The following GABBR2 variants were observed in gnomAD, a reference collection of about 807,000 sequenced individuals.
GABBR2 encodes the protein gamma-aminobutyric acid type B receptor subunit 2.
In GABBR2, 23 loss-of-function variants were observed where a neutral mutation model predicts 105.6. That is an observed-to-expected ratio of 0.22 (90% CI 0.16 to 0.31). The LOEUF (loss-of-function observed/expected upper bound fraction) is 0.31. Among genes scored for constraint, GABBR2 ranks in the 10% least tolerant of loss-of-function variants. GABBR2 has a pLI of 1.00. For missense variants in GABBR2, 734 were observed against 1,245.5 expected, an observed-to-expected ratio of 0.59 and a Z score of 6.18; for synonymous variants, 478 against 499.7, an observed-to-expected ratio of 0.96 and a Z score of 0.58.
chr9:98,486,984 C>T (rs539772923), intron 4 of GABBR2, among the ~76,000 whole-genome samples: 3 of 152,192 alleles, frequency 2.0e-5, no homozygotes, highest in East Asian at 1.9e-4. Context: ...TCACTCTGTC[C>T]GTAAAGGCAG....
intron 17 of GABBR2, among the ~76,000 whole-genome samples, chr9:98,294,508 T>C (rs1830350533): frequency 6.6e-6 from 1 of 152,124 alleles, no homozygotes; most frequent in Admixed American, 6.5e-5. Flanking sequence ...TTTTTTTTTT[T>C]TTTCTGTCAC....
intron 2 of GABBR2, among the ~76,000 whole-genome samples, chr9:98,552,601 G>A (rs529077305): frequency 6.6e-6 from 1 of 152,342 alleles, no homozygotes; most frequent in African/African-American, 2.4e-5. Context: ...TGAGATTAAT[G>A]TGATGCGGGG....
intron 2 of GABBR2, among the ~76,000 whole-genome samples, chr9:98,559,267 C>T (rs111447025): frequency 0.04 from 6,084 of 152,184 alleles, 231 homozygotes; most frequent in African/African-American, 0.093. Context: ...GTAACTTGGA[C>T]TACAGGCATG....
At chr9:98,451,978 C>T (rs764143545) in intron 7 of GABBR2, among the ~76,000 whole-genome samples, 13 of 152,236 alleles carry the variant, frequency 8.5e-5, no homozygotes, top group Non-Finnish European at 1.5e-4. Flanking sequence ...TCACAGAAAT[C>T]CCTCTGGGCT....
At chr9:98,344,826 G>A (rs1831277011) in intron 13 of GABBR2, among the ~76,000 whole-genome samples, 1 of 152,092 alleles carries the variant, frequency 6.6e-6, no homozygotes, top group Non-Finnish European at 1.5e-5. Flanking sequence ...TCCTCAATGT[G>A]CTAACTAGCT....
chr9:98,681,936 A>G (rs777181032), intron 1 of GABBR2, among the ~76,000 whole-genome samples: 37 of 152,194 alleles, frequency 2.4e-4, no homozygotes, highest in Admixed American at 5.2e-4. Flanking sequence ...AAACCCCTAC[A>G]TTGGGCCAGA....
chr9:98,339,462 C>A (rs1219546710), intron 13 of GABBR2, among the ~76,000 whole-genome samples: 3 of 152,088 alleles, frequency 2.0e-5, no homozygotes, highest in Admixed American at 6.5e-5. Flanking sequence ...TTCACCAAAC[C>A]ACTTGCTCAT....
intron 17 of GABBR2, among the ~76,000 whole-genome samples, chr9:98,298,863 A>C (rs1398681948): frequency 1.3e-5 from 2 of 152,214 alleles, no homozygotes; most frequent in Non-Finnish European, 2.9e-5. Flanking sequence ...GGTGTGTTTG[A>C]AACTGTGAAA....
At position 98,639,111 on chromosome 9, in the gene GABBR2, T is replaced by G. The variant is rs866895432; in HGVS notation, c.322-61039A>C. ...CAGGAACACCTCCAGTGCTGGTTTC[T>G]CCATACCCCTCACCCTGGCCCTCCT... On this transcript the variant is annotated intron_variant, in intron 1 of 18. Transcript: ENST00000259455. Among the ~76,000 whole-genome samples, 7 of 152,202 alleles carry G rather than the reference T, an allele frequency of 4.6e-5. No homozygotes were observed. In the South Asian group the frequency reaches 6.2e-4, roughly 14 times the overall value.
At chr9:98,465,121 TAAAAAA>T (rs57747633) in intron 6 of GABBR2, among the ~76,000 whole-genome samples, 11 of 22,002 alleles carry the variant, frequency 5.0e-4, no homozygotes, top group East Asian at 2.8e-3. Context: ...CAATAAATAC[TAAAAAA>T]AAAAAAAAAA....
intron 2 of GABBR2, among the ~76,000 whole-genome samples, chr9:98,547,403 G>A (rs939472773): frequency 9.5e-5 from 11 of 115,846 alleles, no homozygotes; most frequent in African/African-American, 2.7e-4. Flanking sequence ...TATAGCATAT[G>A]TAGTATGTTT....
chr9:98,429,468 C>T (rs983055217), intron 7 of GABBR2, among the ~76,000 whole-genome samples: 1 of 152,108 alleles, frequency 6.6e-6, no homozygotes, highest in Admixed American at 6.6e-5. Flanking sequence ...TTTGTCATCA[C>T]ATTTTATGGT....
At position 98,708,681 on chromosome 9, in the gene GABBR2, C is replaced by CGGCGGT. The variant is rs1830936845; in HGVS notation, c.51_56dup (p.Pro19_Pro20dup). On this transcript the variant is annotated inframe_insertion, in exon 1 of 19. Coordinates refer to ENST00000259455, the MANE Select transcript of GABBR2 (RefSeq NM_005458.8). Reference sequence around the variant, plus strand: ...GCAGTAGCAGTAGCAGGCGCGCGGGCGGCGGTGGCGGCGGCGGCGGCGGCC... The same window carrying CGGCGGT: ...GCAGTAGCAGTAGCAGGCGCGCGGGCGGCGGTGGCGGTGGCGGCGGCGGCGGCGGCC... 20 of 1,079,928 alleles carry CGGCGGT rather than the reference C, an allele frequency of 1.9e-5. No individual in the cohort carries two copies. Among genetic ancestry groups the CGGCGGT allele is most frequent in the Non-Finnish European group, 2.1e-5 (19 of 892,396 alleles). 66.9% of individuals were successfully genotyped at this position (1,079,928 alleles called of 1,614,324 possible). A position where few individuals can be genotyped will look rare whatever the true frequency, so the allele number is the denominator to read the frequency against.
chr9:98,350,617 G>A (rs1433382891), intron 13 of GABBR2, among the ~76,000 whole-genome samples: 6 of 86,106 alleles, frequency 7.0e-5, no homozygotes, highest in Admixed American at 1.5e-4. Flanking sequence ...ATATGATTTC[G>A]ATGTAAAAAA....
intron 8 of GABBR2, among the ~76,000 whole-genome samples, chr9:98,395,734 G>A (rs537711760): frequency 1.3e-5 from 2 of 152,240 alleles, no homozygotes; most frequent in African/African-American, 4.8e-5. Context: ...TGGCATCTGG[G>A]AGGATACCAG....
intron 12 of GABBR2, among the ~76,000 whole-genome samples, chr9:98,364,538 T>C (rs904699476): frequency 6.6e-6 from 1 of 152,056 alleles, no homozygotes; most frequent in African/African-American, 2.4e-5. Context: ...ATTTTCCTCT[T>C]GTAAATGTCA....
chr9:98,418,813 G>GC (rs574400621), intron 7 of GABBR2, among the ~76,000 whole-genome samples: 1 of 152,316 alleles, frequency 6.6e-6, no homozygotes, highest in African/African-American at 2.4e-5. Flanking sequence ...GGGTGGCTGA[G>GC]CCAAGGGAGC....
chr9:98,600,934 C>T (rs1829321878), intron 1 of GABBR2, among the ~76,000 whole-genome samples: 2 of 152,176 alleles, frequency 1.3e-5, no homozygotes, highest in Non-Finnish European at 2.9e-5. Context: ...TTATCATGTC[C>T]CTCACTGATC....
chr9:98,415,571 G>A (rs1003599343), intron 7 of GABBR2, among the ~76,000 whole-genome samples: 2 of 152,156 alleles, frequency 1.3e-5, no homozygotes, highest in Admixed American at 6.5e-5. Context: ...GGCTTCCCTC[G>A]GCAAAACGTG....
Sources: gnomAD v4.1 joint callset for allele counts (sites outside exome capture counted in the v4.1 genomes callset) on GRCh38, gnomAD v4.1.1 for gene constraint, MANE v1.5 for transcripts, NCBI Gene and HGNC (gene_info 2026-07-23, HGNC 2026-07-21) for gene names.